ADGRA3: variants seen among roughly 807,000 people sequenced by gnomAD.
ADGRA3 encodes G-protein coupled receptor 125.
A neutral mutation model predicts 119.8 loss-of-function variants in ADGRA3; 56 were observed. The ratio of observed to expected loss-of-function variants is 0.47; its 90% CI spans 0.38 to 0.58. The LOEUF is 0.58. Ranked by LOEUF, ADGRA3 falls within the 20% of genes least tolerant of loss-of-function variation. The pLI, the probability that ADGRA3 is intolerant of heterozygous loss-of-function variation, is 0.00. For synonymous variants in ADGRA3, 607 were observed against 623.8 expected, an observed-to-expected ratio of 0.97 and a Z score of 0.40; for missense variants, 1,516 against 1,649.0, an observed-to-expected ratio of 0.92 and a Z score of 1.40.
In ADGRA3 at chr4:22,424,375, A is replaced by G. The variant is rs772757848; in HGVS notation, c.1444-23T>C. Reference sequence around the variant, plus strand: ...TAGCTAGCAGGGGTTCAGGAGAAAAAAGAAAGATCTTTAAAACCACCATAA... The same window carrying G: ...TAGCTAGCAGGGGTTCAGGAGAAAAGAGAAAGATCTTTAAAACCACCATAA... On this transcript the variant is annotated intron_variant, in intron 10 of 18. Coordinates refer to ENST00000334304, the MANE Select transcript of ADGRA3 (RefSeq NM_145290.4). The G allele has an allele frequency of 2.5e-6, 4 of 1,603,400 alleles. No individual in the cohort carries two copies. In the South Asian group the frequency reaches 3.3e-5, roughly 13 times the overall value.
In ADGRA3 at chr4:22,444,980, C is replaced by G; in HGVS notation, c.699G>C (p.Leu233Phe). ...QPVTGVKQEL[L>F]TCDPPLELPS... is the part of the protein sequence containing the mutation. ...TTTGGATTTCTCCCTTACCGCATGT[C>G]AACAGCTCCTGCTTCACGCCTGTGA... The change falls in exon 6 of 19, where the codon TTG becomes TTC. Residue 233 changes from leucine (L) to phenylalanine (F), a missense_variant. Physicochemically the swap from Leu to Phe is conservative, Grantham distance 22. This residue lies in a region of ADGRA3 where 428 missense variants were observed against 541.9 expected (regional missense o/e 0.79). Coordinates refer to ENST00000334304, the MANE Select transcript of ADGRA3 (RefSeq NM_145290.4). 6.2e-7 allele frequency: 1 copy of G among 1,612,940 alleles called. No individual in the cohort carries two copies. Among genetic ancestry groups the G allele is most frequent in the Non-Finnish European group, 8.5e-7 (1 of 1,179,866 alleles).
Position 22,442,753 on chromosome 4 carries a change from T to A in ADGRA3, c.817A>T (p.Met273Leu). The change falls in exon 7 of 19, where the codon ATG (methionine) becomes TTG (leucine). Residue 273 changes from methionine to leucine, a missense_variant. By Grantham distance (15) the Met-to-Leu change is conservative. Transcript: ENST00000334304. ...CCATCCTGATACCACAACACTTGCA[T>A]GTCCTGATCAATATATGAAGCCATG... Reference protein sequence around the residue: ...QCMASYIDQDMQVLWYQDGRI... With the variant: ...QCMASYIDQDLQVLWYQDGRI... 6.2e-7 allele frequency: 1 copy of A among 1,612,224 alleles called. No individual in the cohort carries two copies. The highest frequency in any genetic ancestry group is 8.5e-7 in the Non-Finnish European group (1 of 1,178,396).
Position 22,494,359 on chromosome 4 carries a change from T to C in ADGRA3, c.258-20516A>G, listed in dbSNP as rs139477165. Among the ~76,000 whole-genome samples, 700 of 152,084 alleles carry C rather than the reference T, an allele frequency of 4.6e-3. 11 individuals are homozygous for C. Among genetic ancestry groups the C allele is most frequent in the African/African-American group, 0.016 (646 of 41,336 alleles). On this transcript the variant is annotated intron_variant, in intron 1 of 18. Coordinates refer to ENST00000334304, the MANE Select transcript of ADGRA3 (RefSeq NM_145290.4). ...TGAATAATCCATCCCTTGTTTAGCA[T>C]ATCATCAAGAAATAACCATAAAAAT...
At chr4:22,439,016 G>C (rs746339519) in intron 7 of ADGRA3, among the ~76,000 whole-genome samples, 3 of 152,068 alleles carry the variant, frequency 2.0e-5, no homozygotes, top group Non-Finnish European at 4.4e-5. Context: ...CACAAAAAAA[G>C]AACAGGAATG....
At chr4:22,513,640 T>C (rs1032628127) in intron 1 of ADGRA3, among the ~76,000 whole-genome samples, 7 of 151,698 alleles carry the variant, frequency 4.6e-5, no homozygotes, top group African/African-American at 1.5e-4. Context: ...GCCTTCCAAG[T>C]AGCTGGAATG....
intron 1 of ADGRA3, among the ~76,000 whole-genome samples, chr4:22,494,083 T>C (rs4697015): frequency 0.47 from 71,537 of 151,376 alleles, 18,625 homozygotes; most frequent in East Asian, 0.61. Context: ...CGGGTGCCTG[T>C]AATCCCAGCT....
At chr4:22,472,106 G>A (rs555189647) in intron 2 of ADGRA3, among the ~76,000 whole-genome samples, 1 of 152,170 alleles carries the variant, frequency 6.6e-6, no homozygotes, top group South Asian at 2.1e-4. Context: ...TATAAACTAC[G>A]AGTGCCTGCC....
At chr4:22,403,411 G>A (rs1286808206) in intron 14 of ADGRA3, among the ~76,000 whole-genome samples, 1 of 151,908 alleles carries the variant, frequency 6.6e-6, no homozygotes, top group Non-Finnish European at 1.5e-5. Flanking sequence ...CACAATTACG[G>A]CAGCAGAGAG....
chr4:22,483,181 TTC>T (rs1718309858), intron 1 of ADGRA3, among the ~76,000 whole-genome samples: 1 of 152,166 alleles, frequency 6.6e-6, no homozygotes, highest in Non-Finnish European at 1.5e-5. Context: ...TGCTTCTGTT[TTC>T]TCTCTTTATT....
At chr4:22,470,938 G>A (rs1393735313) in intron 2 of ADGRA3, among the ~76,000 whole-genome samples, 1 of 152,204 alleles carries the variant, frequency 6.6e-6, no homozygotes, top group Non-Finnish European at 1.5e-5. Flanking sequence ...AGGCAGGCAG[G>A]GTAGTTATCC....
chr4:22,426,435 C>G (rs550543506), intron 10 of ADGRA3, among the ~76,000 whole-genome samples: 1 of 152,152 alleles, frequency 6.6e-6, no homozygotes, highest in African/African-American at 2.4e-5. Context: ...TTATCAATGT[C>G]CATGTATCCG....
At chr4:22,413,040 C>T (rs1406049211) in intron 14 of ADGRA3, 142 bp downstream of exon 14, 1 of 646,148 alleles carries the variant, frequency 1.5e-6, no homozygotes, top group Non-Finnish European at 2.7e-6. Flanking sequence ...CACATATCAT[C>T]TCATATAATC....
intron 1 of ADGRA3, among the ~76,000 whole-genome samples, chr4:22,499,550 A>G (rs1247642497): frequency 6.6e-6 from 1 of 152,188 alleles, no homozygotes; most frequent in Non-Finnish European, 1.5e-5. Context: ...TGTAGACAGA[A>G]CTAGAGTGTT....
rs577682714 is a variant in ADGRA3, at chr4:22,392,577, A to C, written c.2595T>G (p.Asp865Glu). The change falls in exon 17 of 19, where the codon GAT becomes GAG. Residue 865 changes from aspartate to glutamate, a missense_variant. By Grantham distance (45) the Asp-to-Glu change is conservative (BLOSUM62 2). This residue lies in a region of ADGRA3 where 1,088 missense variants were observed against 1,107.1 expected (regional missense o/e 0.98). Coordinates refer to ENST00000334304, the MANE Select transcript of ADGRA3 (RefSeq NM_145290.4). ...TTGGTCTTGGTGGAGGTGGTGGTTC[A>C]TCAGGATCCTGGCATCTTTTAGCTT... ...TKKAKRCQDP[D>E]EPPPPPRPML... The C allele has an allele frequency of 6.2e-7, 1 of 1,614,016 alleles. No homozygotes were observed. The highest frequency in any genetic ancestry group is 1.3e-5 in the African/African-American group (1 of 75,054).
At chr4:22,448,663 T>C (rs1329599991) in intron 4 of ADGRA3, among the ~76,000 whole-genome samples, 2 of 152,150 alleles carry the variant, frequency 1.3e-5, no homozygotes, top group East Asian at 3.9e-4. Context: ...AGCAACATAT[T>C]CCTGGATGGG....
At chr4:22,406,177 T>C (rs539218391) in intron 14 of ADGRA3, among the ~76,000 whole-genome samples, 1 of 152,320 alleles carries the variant, frequency 6.6e-6, no homozygotes, top group East Asian at 1.9e-4. Context: ...TAGTACTCCT[T>C]GGTGTATATA....
intron 10 of ADGRA3, among the ~76,000 whole-genome samples, 180 bp from the exon 11 acceptor site, chr4:22,424,532 T>C (rs556199963): frequency 2.0e-5 from 3 of 152,288 alleles, no homozygotes; most frequent in African/African-American, 7.2e-5. Flanking sequence ...TTATTTCAAG[T>C]ATAGCCATTT....
chr4:22,443,466 T>C (rs1716705602), intron 6 of ADGRA3, among the ~76,000 whole-genome samples: 1 of 152,198 alleles, frequency 6.6e-6, no homozygotes, highest in Non-Finnish European at 1.5e-5. Flanking sequence ...TAGTCCATTT[T>C]TCTAACATGA....
chr4:22,392,106 T>TTTACCACTTTTCATA (rs1351368949), intron 17 of ADGRA3, among the ~76,000 whole-genome samples: 1 of 152,206 alleles, frequency 6.6e-6, no homozygotes, highest in Non-Finnish European at 1.5e-5. Flanking sequence ...TGATAATCCA[T>TTTACCACTTTTCATA]TTACCACTTT....
Sources: allele counts gnomAD v4.1 joint callset (sites outside exome capture counted in the v4.1 genomes callset), GRCh38; gene constraint gnomAD v4.1.1; regional missense constraint gnomAD v4.1.1; transcripts MANE v1.5; gene names NCBI Gene and HGNC (gene_info 2026-07-23, HGNC 2026-07-21).